Variants in NUGGC observed in about 807,000 individuals in gnomAD.
NUGGC encodes nuclear GTPase SLIP-GC.
A neutral mutation model predicts 92.6 loss-of-function variants in NUGGC; 58 were observed. The observed-to-expected ratio is 0.63, with a 90% confidence interval of 0.51 to 0.78. The LOEUF is 0.78. NUGGC is among the 30% of genes least tolerant of loss of function. The pLI, the probability that NUGGC is intolerant of heterozygous loss-of-function variation, is 0.00. For synonymous variants in NUGGC, 376 were observed against 366.4 expected (o/e 1.03, Z -0.30); for missense variants, 925 against 964.6 (o/e 0.96, Z 0.54).
rs765120930 is a variant in NUGGC, at chr8:28,040,946, G to A, written c.1611+105C>T. On this transcript the variant is annotated intron_variant, in intron 13 of 18. Transcript: ENST00000413272. ...AGGCATGAGCCGCCATGCCCGGCCCGCTAACTCTTTACCTCTTTTGAAGGG... is the reference window on the plus strand; with the variant it reads ...AGGCATGAGCCGCCATGCCCGGCCCACTAACTCTTTACCTCTTTTGAAGGG... The A allele has an allele frequency of 3.5e-4, 419 of 1,184,596 alleles. 1 individual carries two copies. Among genetic ancestry groups the A allele is most frequent in the Non-Finnish European group, 4.6e-4 (392 of 848,538 alleles). 73.4% of individuals were successfully genotyped at this position (1,184,596 alleles called of 1,614,324 possible). A position where few individuals can be genotyped will look rare whatever the true frequency, so the allele number is the denominator to read the frequency against.
intron 3 of NUGGC, 59 bp from the exon 4 acceptor site, chr8:28,069,711 TC>T (rs758879483): frequency 8.7e-6 from 8 of 915,596 alleles, no homozygotes; most frequent in Admixed American, 1.7e-5. Flanking sequence ...GTACTAGGTC[TC>T]CAAAGGAGGT....
rs547798666 is a variant in NUGGC at position 28,028,571 on chromosome 8, A to G, written c.2154+695T>C. 3.3e-5 allele frequency among the ~76,000 whole-genome samples: 5 copies of G among 152,316 alleles called. No individual in the cohort carries two copies. In the South Asian group the frequency reaches 6.2e-4, roughly 19 times the overall value. ...AGAAAATGTGGAGCCTCACATGGCC[A>G]GGGAGGAAGCCCACAGTGGCATGGA... On this transcript the variant is annotated intron_variant, in intron 17 of 18. Coordinates refer to ENST00000413272, the MANE Select transcript of NUGGC (RefSeq NM_001010906.2).
chr8:28,056,126 A>AT (rs1034551853), intron 9 of NUGGC, 72 bp from the exon 10 acceptor site: 7 of 826,744 alleles, frequency 8.5e-6, no homozygotes, highest in Non-Finnish European at 1.4e-5. Context: ...CAAGATGCAC[A>AT]TTTTTTTGGC....
chr8:28,026,348 A>G (rs1261439658), intron 18 of NUGGC, among the ~76,000 whole-genome samples: 2 of 152,208 alleles, frequency 1.3e-5, no homozygotes, highest in African/African-American at 4.8e-5. Context: ...TGTTTGTACC[A>G]GGTTACCCTC....
chr8:28,048,769 A>C (rs190352081), intron 10 of NUGGC, among the ~76,000 whole-genome samples: 2 of 151,836 alleles, frequency 1.3e-5, no homozygotes, highest in Admixed American at 6.6e-5. Context: ...AGGCTGAGAC[A>C]AGAGAATTGT....
intron 8 of NUGGC, among the ~76,000 whole-genome samples, chr8:28,059,376 A>G (rs1810234745): frequency 6.6e-6 from 1 of 152,226 alleles, no homozygotes; most frequent in Non-Finnish European, 1.5e-5. Flanking sequence ...CTTCCTAACT[A>G]TAGGGACAAC....
At chr8:28,036,948 G>A (rs536094510) in intron 13 of NUGGC, among the ~76,000 whole-genome samples, 53 of 152,322 alleles carry the variant, frequency 3.5e-4, no homozygotes, top group Admixed American at 1.6e-3. Context: ...CACGCCACAT[G>A]AGGTGCATTA....
At chr8:28,061,268 T>C (rs1422081272) in intron 7 of NUGGC, among the ~76,000 whole-genome samples, 1 of 152,222 alleles carries the variant, frequency 6.6e-6, no homozygotes, top group Admixed American at 6.5e-5. Flanking sequence ...CCAGAAACCA[T>C]ATGACAAGTT....
At position 28,022,680 on chromosome 8, in the gene NUGGC, C is replaced by T. The variant is rs548168741; in HGVS notation, c.*637G>A. ...CAATGGCTCATGCCTGCAATCCTAGCACAAGAGACTGAGGTGGGAGAGAAT... is the reference window on the plus strand; with the variant it reads ...CAATGGCTCATGCCTGCAATCCTAGTACAAGAGACTGAGGTGGGAGAGAAT... On this transcript the variant is annotated 3_prime_UTR_variant, in exon 19 of 19. Coordinates refer to ENST00000413272, the MANE Select transcript of NUGGC (RefSeq NM_001010906.2). The T allele has an allele frequency of 6.6e-6, 1 of 152,300 alleles. No individual in the cohort carries two copies. Among genetic ancestry groups the T allele is most frequent in the East Asian group, 1.9e-4 (1 of 5,188 alleles). 9.4% of individuals were successfully genotyped at this position (152,300 alleles called of 1,614,324 possible). A position where few individuals can be genotyped will look rare whatever the true frequency, so the allele number is the denominator to read the frequency against.
intron 15 of NUGGC, 131 bp downstream of exon 15, chr8:28,031,112 G>GTA: frequency 1.0e-6 from 1 of 984,618 alleles, no homozygotes; most frequent in South Asian, 1.5e-5. Flanking sequence ...ATTTCACAGC[G>GTA]CCTCCTAGGA....
Position 28,041,103 on chromosome 8 carries a change from C to G in NUGGC, c.1559G>C (p.Gly520Ala). The part of the protein sequence containing the change: ...FACMEQPLQE[G>A]VRTARTSYRC... The stretch of plus-strand genomic sequence containing the variant: ...GTAAGAAGTCCTGGCGGTCCTGACC[C>G]CTTCTTGCAGAGGCTGCTCCATGCA... The change falls in exon 13 of 19, where the codon GGG becomes GCG. Residue 520 changes from glycine (G) to alanine (A), a missense_variant. Gly to Ala is a moderately conservative substitution (Grantham distance 60). Transcript: ENST00000413272. 1 of 1,608,198 alleles carries G rather than the reference C, an allele frequency of 6.2e-7. No individual in the cohort carries two copies. Among genetic ancestry groups the G allele is most frequent in the Non-Finnish European group, 8.5e-7 (1 of 1,177,550 alleles).
At chr8:28,035,659 C>T (rs1233941706) in intron 13 of NUGGC, among the ~76,000 whole-genome samples, 1 of 152,150 alleles carries the variant, frequency 6.6e-6, no homozygotes, top group Non-Finnish European at 1.5e-5. Context: ...ACACTGTCAC[C>T]TCTGCAGCAT....
intron 13 of NUGGC, among the ~76,000 whole-genome samples, chr8:28,035,743 A>C (rs2130099978): frequency 6.6e-6 from 1 of 152,184 alleles, no homozygotes; most frequent in South Asian, 2.1e-4. Context: ...AGAGGTGAGG[A>C]CCCTTGGGGC....
At chr8:28,041,244 GC>G in intron 12 of NUGGC, 29 bp from the exon 13 acceptor site, 1 of 1,589,896 alleles carries the variant, frequency 6.3e-7, no homozygotes, top group Non-Finnish European at 8.6e-7. Context: ...AAAGAATCAG[GC>G]CACCCCCTCC....
At chr8:28,060,644 T>G in intron 7 of NUGGC, 43 bp from the exon 8 acceptor site, 1 of 1,564,030 alleles carries the variant, frequency 6.4e-7, no homozygotes, top group South Asian at 1.2e-5. Flanking sequence ...AGGAATGGAG[T>G]CACAGTTCCT....
chr8:28,076,454 C>G (rs1232636742), intron 1 of NUGGC, among the ~76,000 whole-genome samples: 1 of 152,156 alleles, frequency 6.6e-6, no homozygotes. Flanking sequence ...ATTGCACCAT[C>G]ATGCCTGGCT....
intron 1 of NUGGC, among the ~76,000 whole-genome samples, chr8:28,081,112 A>G (rs573883668): frequency 6.6e-6 from 1 of 152,280 alleles, no homozygotes; most frequent in South Asian, 2.1e-4. Flanking sequence ...TGAGGTCAGG[A>G]GTTCGAGACC....
At chr8:28,036,046 C>CA (rs1252546956) in intron 13 of NUGGC, among the ~76,000 whole-genome samples, 1 of 149,082 alleles carries the variant, frequency 6.7e-6, no homozygotes, top group Non-Finnish European at 1.5e-5. Flanking sequence ...CCATGCCCAA[C>CA]TTTTTTTTTT....
At chr8:28,027,637 G>A (rs1809301324) in intron 17 of NUGGC, among the ~76,000 whole-genome samples, 1 of 152,074 alleles carries the variant, frequency 6.6e-6, no homozygotes. Context: ...CTCTAGCCTG[G>A]CAGAGTCTAG....
Sources: gnomAD v4.1 joint callset for allele counts (sites outside exome capture counted in the v4.1 genomes callset) on GRCh38, gnomAD v4.1.1 for gene constraint, MANE v1.5 for transcripts, NCBI Gene and HGNC (gene_info 2026-07-23, HGNC 2026-07-21) for gene names.